The following AOAH variants were observed in gnomAD, a reference collection of about 807,000 sequenced individuals.
AOAH encodes acyloxyacyl hydrolase, also known as acyloxyacyl hydrolase (neutrophil).
A neutral mutation model predicts 92.2 loss-of-function variants in AOAH; 64 were observed. The ratio of observed to expected loss-of-function variants is 0.69; its 90% CI spans 0.57 to 0.86. The LOEUF (loss-of-function observed/expected upper bound fraction) is 0.86. Among genes scored for constraint, AOAH ranks in the 40% least tolerant of loss-of-function variants. AOAH has a pLI of 0.00. For synonymous variants in AOAH, 263 were observed against 254.5 expected, an observed-to-expected ratio of 1.03 and a Z score of -0.32; for missense variants, 656 against 694.6, an observed-to-expected ratio of 0.94 and a Z score of 0.62.
intron 11 of AOAH, among the ~76,000 whole-genome samples, chr7:36,604,426 T>C (rs1188001574): frequency 6.6e-6 from 1 of 152,168 alleles, no homozygotes; most frequent in African/African-American, 2.4e-5. Context: ...GTTATCCACC[T>C]TTATCTATTT....
intron 4 of AOAH, among the ~76,000 whole-genome samples, chr7:36,640,488 G>A (rs1379341949): frequency 6.6e-6 from 1 of 152,212 alleles, no homozygotes; most frequent in East Asian, 1.9e-4. Context: ...GCACCCTTGA[G>A]GCCGGGGCAA....
chr7:36,560,932 A>G (rs531544698), intron 13 of AOAH, among the ~76,000 whole-genome samples: 20 of 152,238 alleles, frequency 1.3e-4, no homozygotes, highest in African/African-American at 4.8e-4. Flanking sequence ...TTTCTTGAGC[A>G]CTGGCATGTG....
intron 12 of AOAH, among the ~76,000 whole-genome samples, chr7:36,585,115 G>C (rs888399681): frequency 3.3e-5 from 5 of 152,032 alleles, no homozygotes; most frequent in African/African-American, 1.2e-4. Flanking sequence ...CAGTTAGATG[G>C]GGGGTCAGTA....
At chr7:36,527,670 T>C (rs892308301) in intron 19 of AOAH, among the ~76,000 whole-genome samples, 5 of 152,214 alleles carry the variant, frequency 3.3e-5, no homozygotes, top group African/African-American at 1.2e-4. Flanking sequence ...CGTGGGTTAG[T>C]TATTTCTATC....
At chr7:36,513,753 CTGAG>C (rs963767909) in intron 20 of AOAH, among the ~76,000 whole-genome samples, 1 of 152,150 alleles carries the variant, frequency 6.6e-6, no homozygotes, top group African/African-American at 2.4e-5. Context: ...TGCCAACAGC[CTGAG>C]TGAGTTTGAA....
rs971341517 is a variant in AOAH at position 36,614,024 on chromosome 7, A to T, written c.846+2356T>A. 6.6e-6 allele frequency among the ~76,000 whole-genome samples: 1 copy of T among 152,150 alleles called. No homozygotes were observed. Among genetic ancestry groups the T allele is most frequent in the Non-Finnish European group, 1.5e-5 (1 of 68,040 alleles). ...TCATGTTCAATTTATTTAATCTAGG[A>T]AGAGGAGGTCAAGGAAAAAATGATA... On this transcript the variant is annotated intron_variant, in intron 11 of 20. Transcript: ENST00000617537. The surrounding 1 kb of genome is among the most constrained non-coding windows in gnomAD (Gnocchi z 4.2).
intron 1 of AOAH, among the ~76,000 whole-genome samples, chr7:36,697,916 G>A (rs1797818568): frequency 6.6e-6 from 1 of 152,174 alleles, no homozygotes; most frequent in African/African-American, 2.4e-5. Flanking sequence ...GAGTTACACA[G>A]CTGTAAGACA....
At chr7:36,551,821 T>C (rs951634697) in intron 13 of AOAH, among the ~76,000 whole-genome samples, 3 of 152,246 alleles carry the variant, frequency 2.0e-5, no homozygotes, top group African/African-American at 7.2e-5. Flanking sequence ...CTGGGCTGTA[T>C]TGTAATACTA....
rs1473396067 is a variant in AOAH, at chr7:36,540,419, A to C, written c.1206T>G (p.His402Gln). ...TGCCATTGGGCAGGTGGGAATTTAG[A>C]TGCTTCAGAGTCTGCATGACGTTGG... is the stretch of plus-strand genomic sequence containing the variant. ...LYSNVMQTLK[H>Q]LNSHLPNGSH... is the part of the protein sequence containing the mutation. Residue 402 changes from histidine (H) to glutamine (Q), a missense_variant, in exon 16 of 21, where the codon CAT becomes CAG. Transcript: ENST00000617537. 2.5e-6 allele frequency: 4 copies of C among 1,614,014 alleles called. No individual in the cohort carries two copies. The highest frequency in any genetic ancestry group is 1.3e-5 in the African/African-American group (1 of 74,924).
At chr7:36,621,278 T>C (rs963316739) in intron 8 of AOAH, among the ~76,000 whole-genome samples, 1 of 152,238 alleles carries the variant, frequency 6.6e-6, no homozygotes, top group Admixed American at 6.5e-5. Context: ...AGCCCAGGGC[T>C]AATATATGAC....
intron 1 of AOAH, among the ~76,000 whole-genome samples, chr7:36,711,099 T>C (rs1456308351): frequency 8.5e-5 from 13 of 152,162 alleles, no homozygotes; most frequent in Admixed American, 8.5e-4. Context: ...AAGCACATTA[T>C]AGAAAGTGTG....
chr7:36,691,714 A>C (rs1797411259), intron 1 of AOAH, among the ~76,000 whole-genome samples: 1 of 152,166 alleles, frequency 6.6e-6, no homozygotes, highest in Admixed American at 6.6e-5. Context: ...ACAGCCACAT[A>C]GTTTTTGCAC....
In AOAH at chr7:36,724,149, C is replaced by CTCCG. The variant is rs758287071; in HGVS notation, c.-5_-2dup. ...TAAGGATTTTCCAGGGGGACTGCAT[C>CTCCG]TCCGAGCTATGCACCCCAAGTGATC... On this transcript the variant is annotated 5_prime_UTR_variant, in exon 1 of 21. Transcript: ENST00000617537. The CTCCG allele has an allele frequency of 6.2e-7, 1 of 1,612,998 alleles. No individual in the cohort carries two copies. Among genetic ancestry groups the CTCCG allele is most frequent in the Admixed American group, 1.7e-5 (1 of 59,974 alleles).
At chr7:36,554,646 CTCTTT>C (rs1786552654) in intron 13 of AOAH, among the ~76,000 whole-genome samples, 2 of 151,702 alleles carry the variant, frequency 1.3e-5, no homozygotes, top group Admixed American at 1.3e-4. Context: ...TGTTTGTATC[CTCTTT>C]TATTTCATTG....
chr7:36,633,805 C>G (rs1793324197), intron 5 of AOAH, among the ~76,000 whole-genome samples: 2 of 152,122 alleles, frequency 1.3e-5, no homozygotes, highest in Non-Finnish European at 2.9e-5. Context: ...CCCCAAGGCC[C>G]TATCTCAGGG....
chr7:36,686,816 T>C (rs762504782), intron 1 of AOAH, 22 bp from the exon 2 acceptor site: 15 of 1,480,044 alleles, frequency 1.0e-5, no homozygotes, highest in Admixed American at 2.2e-5. Context: ...GAGAAGAACA[T>C]GTAATCTGTG....
intron 13 of AOAH, among the ~76,000 whole-genome samples, chr7:36,570,872 TA>T (rs755520397): frequency 3.9e-5 from 6 of 151,974 alleles, no homozygotes; most frequent in Admixed American, 2.0e-4. Flanking sequence ...TTATTTAGGT[TA>T]AAAAAAAGTG....
intron 12 of AOAH, among the ~76,000 whole-genome samples, chr7:36,581,472 A>T (rs1214299137): frequency 6.6e-6 from 1 of 152,202 alleles, no homozygotes. Flanking sequence ...TGCGTCACTT[A>T]TGCCCTCTGC....
intron 1 of AOAH, among the ~76,000 whole-genome samples, chr7:36,720,141 T>A (rs1052549109): frequency 6.7e-6 from 1 of 150,106 alleles, no homozygotes; most frequent in South Asian, 2.1e-4. Context: ...ATTCTAAAGT[T>A]TTTTTTTTTG....
Sources: gnomAD v4.1 joint callset for allele counts (sites outside exome capture counted in the v4.1 genomes callset) on GRCh38, gnomAD v4.1.1 for gene constraint, Gnocchi (gnomAD v3.1) non-coding constraint, MANE v1.5 for transcripts, NCBI Gene and HGNC (gene_info 2026-07-23, HGNC 2026-07-21) for gene names.